BBS9: variants seen among roughly 807,000 people sequenced by gnomAD.
The protein encoded by BBS9 is Bardet-Biedl syndrome 9, also known as protein PTHB1.
BBS9 carries 89 observed loss-of-function variants against 117.7 expected under a neutral mutation model. The ratio of observed to expected loss-of-function variants is 0.76; its 90% CI spans 0.64 to 0.90. The LOEUF is 0.90. Among genes scored for constraint, BBS9 ranks in the 40% least tolerant of loss-of-function variants. BBS9 has a pLI of 0.00. For synonymous variants in BBS9, 379 were observed against 370.9 expected (o/e 1.02, Z -0.25); for missense variants, 982 against 1,042.2 (o/e 0.94, Z 0.80).
intron 9 of BBS9, among the ~76,000 whole-genome samples, chr7:33,305,553 A>G (rs1807714265): frequency 6.6e-6 from 1 of 152,154 alleles, no homozygotes; most frequent in Admixed American, 6.5e-5. Context: ...TTTCTTTACT[A>G]GAAAACTTTT....
At chr7:33,295,286 A>C (rs1428926674) in intron 9 of BBS9, among the ~76,000 whole-genome samples, 1 of 152,116 alleles carries the variant, frequency 6.6e-6, no homozygotes, top group Non-Finnish European at 1.5e-5. Context: ...GTATTTATAC[A>C]CAATTTTTGG....
At chr7:33,526,243 G>C (rs368496734) in intron 20 of BBS9, among the ~76,000 whole-genome samples, 39 of 152,188 alleles carry the variant, frequency 2.6e-4, no homozygotes, top group African/African-American at 5.3e-4. Context: ...TTGCTCTTCT[G>C]GAGGAGTATC....
At chr7:33,431,682 G>A (rs1341143046) in intron 19 of BBS9, among the ~76,000 whole-genome samples, 5 of 152,170 alleles carry the variant, frequency 3.3e-5, no homozygotes, top group East Asian at 3.9e-4. Flanking sequence ...CCAGCCACCC[G>A]TACTGTGAGA....
intron 21 of BBS9, among the ~76,000 whole-genome samples, chr7:33,602,603 C>G (rs1863970078): frequency 2.0e-5 from 3 of 152,186 alleles, no homozygotes; most frequent in Admixed American, 2.0e-4. Context: ...TGGCGCATGC[C>G]TGTAATCACA....
intron 5 of BBS9, among the ~76,000 whole-genome samples, chr7:33,204,289 C>A (rs940137672): frequency 4.6e-5 from 7 of 150,940 alleles, no homozygotes; most frequent in African/African-American, 1.7e-4. Context: ...TACCTGTAAT[C>A]CCAGCTACTT....
At chr7:33,251,257 T>C (rs1362839109) in intron 5 of BBS9, among the ~76,000 whole-genome samples, 1 of 152,220 alleles carries the variant, frequency 6.6e-6, no homozygotes, top group East Asian at 1.9e-4. Flanking sequence ...CCATACCGTA[T>C]GCTCCTCACG....
intron 5 of BBS9, among the ~76,000 whole-genome samples, chr7:33,197,149 C>T (rs2128204731): frequency 6.6e-6 from 1 of 152,124 alleles, no homozygotes; most frequent in African/African-American, 2.4e-5. Context: ...AATGCCAAGA[C>T]TGGAAAAGCT....
chr7:33,481,430 G>T (rs1395403420), intron 19 of BBS9, among the ~76,000 whole-genome samples: 1 of 152,088 alleles, frequency 6.6e-6, no homozygotes, highest in Non-Finnish European at 1.5e-5. Flanking sequence ...GGTAGGAAAA[G>T]GTCAGTGAAG....
intron 16 of BBS9, among the ~76,000 whole-genome samples, chr7:33,367,026 C>G (rs1246102689): frequency 6.6e-6 from 1 of 152,104 alleles, no homozygotes; most frequent in Non-Finnish European, 1.5e-5. Flanking sequence ...CCATTGATAT[C>G]CAATGCTGAG....
intron 10 of BBS9, among the ~76,000 whole-genome samples, chr7:33,337,470 A>G (rs1815616609): frequency 6.6e-6 from 1 of 152,116 alleles, no homozygotes; most frequent in African/African-American, 2.4e-5. Flanking sequence ...ATTTTACTAG[A>G]TTTATGTACT....
At chr7:33,158,140 A>T (rs1456887458) in intron 4 of BBS9, among the ~76,000 whole-genome samples, 1 of 152,180 alleles carries the variant, frequency 6.6e-6, no homozygotes, top group East Asian at 1.9e-4. Context: ...TTTACTTTTG[A>T]CAGTCTTACG....
intron 19 of BBS9, among the ~76,000 whole-genome samples, chr7:33,470,056 T>C (rs1403026771): frequency 6.6e-6 from 1 of 152,196 alleles, no homozygotes; most frequent in Non-Finnish European, 1.5e-5. Context: ...GGAACTAGAA[T>C]GTAAGCTCTT....
chr7:33,503,758 T>C (rs1845772792), intron 19 of BBS9, among the ~76,000 whole-genome samples: 1 of 150,570 alleles, frequency 6.6e-6, no homozygotes, highest in Non-Finnish European at 1.5e-5. Flanking sequence ...AGAAAAAGAG[T>C]ATAAACTCAG....
intron 4 of BBS9, among the ~76,000 whole-genome samples, chr7:33,163,850 A>T (rs988043097): frequency 2.0e-5 from 3 of 151,812 alleles, no homozygotes; most frequent in African/African-American, 7.3e-5. Flanking sequence ...CTCTGATCTT[A>T]GTTATTTCTT....
At chr7:33,590,469 T>G (rs1056684402) in intron 21 of BBS9, among the ~76,000 whole-genome samples, 5 of 149,744 alleles carry the variant, frequency 3.3e-5, no homozygotes, top group Non-Finnish European at 7.4e-5. Context: ...GTTTTTTTTT[T>G]TTTTTTTTAC....
chr7:33,270,297 C>A (rs755874732), intron 7 of BBS9, among the ~76,000 whole-genome samples: 21 of 152,118 alleles, frequency 1.4e-4, no homozygotes, highest in Non-Finnish European at 1.8e-4. Flanking sequence ...ACTCAAAAGG[C>A]CACAGTGTTT....
rs1317319714 is a variant in BBS9, at chr7:33,367,273, A to G, written c.1694-494A>G. ...AGTATTGATTCTCTAGGATCATCCA[A>G]TAGTGACCATTTGTTTTTATTTTGT... On this transcript the variant is annotated intron_variant, in intron 16 of 22. Transcript: ENST00000242067. Among the ~76,000 whole-genome samples, 3 of 152,184 alleles carry G rather than the reference A, an allele frequency of 2.0e-5. No homozygotes were observed. In the East Asian group the frequency reaches 5.8e-4, roughly 29 times the overall value.
At chr7:33,225,144 T>G (rs183251562) in intron 5 of BBS9, among the ~76,000 whole-genome samples, 1 of 152,312 alleles carries the variant, frequency 6.6e-6, no homozygotes, top group African/African-American at 2.4e-5. Context: ...TATAATAAAC[T>G]AATGGATTTA....
At chr7:33,213,312 T>G (rs1406472198) in intron 5 of BBS9, among the ~76,000 whole-genome samples, 1 of 152,168 alleles carries the variant, frequency 6.6e-6, no homozygotes. Context: ...CATGTTCACT[T>G]AAAGTCCAAG....
Sources: allele counts gnomAD v4.1 joint callset (sites outside exome capture counted in the v4.1 genomes callset), GRCh38; gene constraint gnomAD v4.1.1; transcripts MANE v1.5; gene names NCBI Gene and HGNC (gene_info 2026-07-23, HGNC 2026-07-21).